ZSWIM5: variants seen among roughly 807,000 people sequenced by gnomAD.
ZSWIM5 encodes zinc finger SWIM domain-containing protein 5.
A neutral mutation model predicts 119.6 loss-of-function variants in ZSWIM5; 55 were observed. The ratio of observed to expected loss-of-function variants is 0.46; its 90% confidence interval spans 0.37 to 0.58. The LOEUF is 0.58. ZSWIM5 is among the 20% of genes least tolerant of loss of function. The probability of loss-of-function intolerance (pLI) is 0.00; values close to 1 mark genes in which losing one functional copy is unlikely to be tolerated. For missense variants in ZSWIM5, 1,193 were observed against 1,512.8 expected (o/e 0.79, Z 3.51); for synonymous variants, 537 against 606.9 (o/e 0.88, Z 1.69).
chr1:45,048,080 C>CTTT (rs796685981), intron 5 of ZSWIM5, among the ~76,000 whole-genome samples: 2 of 4,262 alleles, frequency 4.7e-4, no homozygotes, highest in African/African-American at 2.2e-3. Flanking sequence ...CTTTTCTTTT[C>CTTT]TCTTTTTTTT....
intron 1 of ZSWIM5, among the ~76,000 whole-genome samples, chr1:45,114,230 GA>G (rs1645533828): frequency 6.6e-6 from 1 of 152,050 alleles, no homozygotes; most frequent in Admixed American, 6.5e-5. Flanking sequence ...ATTCATGGGG[GA>G]AAAAAGCACC....
At chr1:45,199,755 C>T (rs72684493) in intron 1 of ZSWIM5, among the ~76,000 whole-genome samples, 22,062 of 152,136 alleles carry the variant, frequency 0.15, 1,654 homozygotes, top group Non-Finnish European at 0.16. Context: ...CTGTTTATAA[C>T]TTCCTCCCTA....
intron 1 of ZSWIM5, among the ~76,000 whole-genome samples, chr1:45,123,036 T>A (rs1645602685): frequency 6.6e-6 from 1 of 152,156 alleles, no homozygotes; most frequent in Admixed American, 6.5e-5. Flanking sequence ...GGATTCCTAA[T>A]TCTCTAAGCA....
chr1:45,081,522 G>T (rs1431073581), intron 2 of ZSWIM5, among the ~76,000 whole-genome samples: 5 of 152,216 alleles, frequency 3.3e-5, no homozygotes, highest in Non-Finnish European at 5.9e-5. Flanking sequence ...TGTGTTGGCC[G>T]GGCTGGTCTC....
At chr1:45,163,080 G>C (rs967603825) in intron 1 of ZSWIM5, among the ~76,000 whole-genome samples, 3 of 152,160 alleles carry the variant, frequency 2.0e-5, no homozygotes, top group African/African-American at 7.2e-5. Flanking sequence ...AGTAAGGGCC[G>C]ACTGACACCT....
chr1:45,052,977 G>C (rs1645098466), intron 4 of ZSWIM5, among the ~76,000 whole-genome samples: 1 of 151,772 alleles, frequency 6.6e-6, no homozygotes, highest in Non-Finnish European at 1.5e-5. Context: ...CAAAAAATTA[G>C]CCAGGTGTGT....
At chr1:45,048,626 A>G (rs577771299) in intron 5 of ZSWIM5, among the ~76,000 whole-genome samples, 35 of 152,242 alleles carry the variant, frequency 2.3e-4, no homozygotes, top group African/African-American at 8.2e-4. Flanking sequence ...AGCTAGCAAG[A>G]TTGATGGTGG....
intron 4 of ZSWIM5, among the ~76,000 whole-genome samples, chr1:45,051,964 A>T (rs1056169351): frequency 1.3e-5 from 2 of 151,746 alleles, no homozygotes; most frequent in African/African-American, 2.4e-5. Context: ...CAAACTGCTG[A>T]TAACTTGTGA....
At chr1:45,156,721 T>TAAAAAAAAA (rs763479350) in intron 1 of ZSWIM5, among the ~76,000 whole-genome samples, 1 of 124,616 alleles carries the variant, frequency 8.0e-6, no homozygotes. Context: ...TGTGGGAAGT[T>TAAAAAAAAA]AAAAAAAAAA....
chr1:45,153,281 G>A (rs1188500630), intron 1 of ZSWIM5, among the ~76,000 whole-genome samples: 1 of 151,766 alleles, frequency 6.6e-6, no homozygotes, highest in Non-Finnish European at 1.5e-5. Flanking sequence ...CAGCACTTTG[G>A]GAGGCCGAGG....
At chr1:45,160,987 A>C (rs1645860498) in intron 1 of ZSWIM5, among the ~76,000 whole-genome samples, 1 of 119,070 alleles carries the variant, frequency 8.4e-6, no homozygotes, top group African/African-American at 3.3e-5. Context: ...ATGCCCGGCT[A>C]AATTTTTTTT....
chr1:45,197,906 A>T (rs185812088), intron 1 of ZSWIM5, among the ~76,000 whole-genome samples: 33 of 152,364 alleles, frequency 2.2e-4, no homozygotes, highest in Admixed American at 2.0e-3. Context: ...GAAACCACTG[A>T]TGCTTTATAA....
intron 7 of ZSWIM5, among the ~76,000 whole-genome samples, chr1:45,040,118 G>A (rs902159912): frequency 6.6e-6 from 1 of 152,200 alleles, no homozygotes; most frequent in African/African-American, 2.4e-5. Flanking sequence ...GATTATAGGT[G>A]TGAATCACCA....
rs112846545 is a variant in ZSWIM5 at position 45,135,911 on chromosome 1, A to G, written c.596-47674T>C. Among the ~76,000 whole-genome samples the G allele has an allele frequency of 7.5e-3, 1,143 of 151,784 alleles. 15 individuals are homozygous for G. The highest frequency in any genetic ancestry group is 0.026 in the African/African-American group (1,095 of 41,346). On this transcript the variant is annotated intron_variant, in intron 1 of 13. Transcript: ENST00000359600. ...TGTCTCACTCTGTCACCCAGGCTGG[A>G]GTGCAGTGGTGTGATCTAGGCTCAC... is the stretch of plus-strand genomic sequence containing the variant.
intron 2 of ZSWIM5, among the ~76,000 whole-genome samples, chr1:45,081,680 G>A (rs950850506): frequency 3.9e-5 from 6 of 152,126 alleles, no homozygotes; most frequent in Non-Finnish European, 7.4e-5. Flanking sequence ...CCTCCCAGCC[G>A]CCTGCCTTGA....
At chr1:45,115,325 C>T (rs1269851052) in intron 1 of ZSWIM5, among the ~76,000 whole-genome samples, 1 of 151,582 alleles carries the variant, frequency 6.6e-6, no homozygotes, top group Non-Finnish European at 1.5e-5. Context: ...GGTGGAGACG[C>T]TCCTCATTTC....
At chr1:45,129,164 T>TTG (rs1283205974) in intron 1 of ZSWIM5, among the ~76,000 whole-genome samples, 1 of 144,100 alleles carries the variant, frequency 6.9e-6, no homozygotes, top group Non-Finnish European at 1.5e-5. Flanking sequence ...TTTTTTTTTT[T>TTG]TTTTTTTTTT....
At chr1:45,054,038 T>C (rs561656436) in intron 4 of ZSWIM5, among the ~76,000 whole-genome samples, 5 of 152,156 alleles carry the variant, frequency 3.3e-5, no homozygotes, top group Admixed American at 2.0e-4. Flanking sequence ...ATACCAGTGC[T>C]TGGGGAGGCT....
At chr1:45,048,593 A>C (rs1645071087) in intron 5 of ZSWIM5, among the ~76,000 whole-genome samples, 1 of 152,142 alleles carries the variant, frequency 6.6e-6, no homozygotes, top group Non-Finnish European at 1.5e-5. Context: ...AGAATTATTG[A>C]AACTGGGATA....
Sources: gnomAD v4.1 joint callset for allele counts (sites outside exome capture counted in the v4.1 genomes callset) on GRCh38, gnomAD v4.1.1 for gene constraint, MANE v1.5 for transcripts, NCBI Gene and HGNC (gene_info 2026-07-23, HGNC 2026-07-21) for gene names.